Variants in PSAT1 observed in about 807,000 individuals in gnomAD.
PSAT1 encodes the protein phosphoserine aminotransferase.
Under a neutral mutation model 40.3 loss-of-function variants are expected in PSAT1, and 41 were observed. The observed-to-expected ratio is 1.02, with a 90% CI of 0.79 to 1.32. The LOEUF is 1.32. Ranked by LOEUF, PSAT1 falls within the 40% of genes most tolerant of loss-of-function variation. PSAT1 has a pLI of 0.00. For synonymous variants in PSAT1, 147 were observed against 170.5 expected, an observed-to-expected ratio of 0.86 and a Z score of 1.07; for missense variants, 406 against 455.8, an observed-to-expected ratio of 0.89 and a Z score of 0.99.
At chr9:78,298,171 G>A (rs879928448) in intron 1 of PSAT1, 7 of 67,940 alleles carry the variant, frequency 1.0e-4, no homozygotes, top group Non-Finnish European at 1.9e-4. Flanking sequence ...CCCCTCCCCC[G>A]CCAAACCCAC....
At chr9:78,301,531 C>T (rs1216699022) in intron 2 of PSAT1, among the ~76,000 whole-genome samples, 4 of 152,084 alleles carry the variant, frequency 2.6e-5, no homozygotes, top group Admixed American at 2.6e-4. Flanking sequence ...TTGCTTATTT[C>T]TGTTAAATTT....
intron 6 of PSAT1, among the ~76,000 whole-genome samples, chr9:78,315,702 G>A (rs1426803183): frequency 1.1e-4 from 16 of 152,176 alleles, no homozygotes; most frequent in Admixed American, 7.2e-4. Flanking sequence ...TGGGCAGCCC[G>A]GTGTTGGCTT....
chr9:78,302,491 G>A (rs1378649940), intron 3 of PSAT1, among the ~76,000 whole-genome samples: 1 of 152,168 alleles, frequency 6.6e-6, no homozygotes, highest in East Asian at 1.9e-4. Flanking sequence ...CACTTTGGGA[G>A]GCCGAGGCGG....
intron 7 of PSAT1, among the ~76,000 whole-genome samples, chr9:78,327,251 G>A (rs1291430652): frequency 6.6e-5 from 10 of 151,790 alleles, no homozygotes; most frequent in Middle Eastern, 6.8e-3. Context: ...GTGAGCCACC[G>A]CGCTTGGCCA....
intron 6 of PSAT1, among the ~76,000 whole-genome samples, chr9:78,311,828 TGAAAA>T (rs1392987147): frequency 4.4e-4 from 66 of 151,086 alleles, no homozygotes; most frequent in Non-Finnish European, 5.4e-4. Flanking sequence ...TGAGACTGTC[TGAAAA>T]CAAAAACAAA....
chr9:78,306,258 T>C (rs1484710767), intron 4 of PSAT1, 56 bp from the exon 5 acceptor site: 8 of 1,589,422 alleles, frequency 5.0e-6, no homozygotes, highest in Non-Finnish European at 6.9e-6. Flanking sequence ...CTCCCATCTA[T>C]GTAAGGAAAG....
intron 3 of PSAT1, 130 bp from the exon 4 acceptor site, chr9:78,304,605 T>C: frequency 2.3e-6 from 2 of 859,968 alleles, no homozygotes; most frequent in Non-Finnish European, 3.9e-6. Context: ...GAAGACAAAG[T>C]AGTATTGTAA....
intron 3 of PSAT1, among the ~76,000 whole-genome samples, chr9:78,302,733 C>CAAAAAAAAA (rs373285782): frequency 9.6e-6 from 1 of 104,246 alleles, no homozygotes; most frequent in African/African-American, 4.0e-5. Flanking sequence ...GACTCCGTCT[C>CAAAAAAAAA]AAAAAAAAAA....
At position 78,308,543 on chromosome 9, in the gene PSAT1, G is replaced by A; in HGVS notation, c.700G>A (p.Ala234Thr). The change falls in exon 6 of 9, where the codon GCT becomes ACT. Residue 234 changes from alanine to threonine, a missense_variant. Transcript: ENST00000376588. ...CPSVLEYKVQ[A>T]GNSSLYNTPP... ...CTCGGTCCTGGAATACAAGGTGCAG[G>A]CTGGAAACAGCTCCTTGTACAACAC... 1 of 1,614,052 alleles carries A rather than the reference G, an allele frequency of 6.2e-7. No homozygotes were observed. Among genetic ancestry groups the A allele is most frequent in the Non-Finnish European group, 8.5e-7 (1 of 1,180,008 alleles).
intron 7 of PSAT1, among the ~76,000 whole-genome samples, chr9:78,318,445 C>A (rs562294743): frequency 6.6e-6 from 1 of 152,226 alleles, no homozygotes; most frequent in Non-Finnish European, 1.5e-5. Context: ...TAACAAAGTA[C>A]TACAGACTTA....
chr9:78,309,984 A>G (rs887201989), intron 6 of PSAT1, among the ~76,000 whole-genome samples: 2 of 152,182 alleles, frequency 1.3e-5, no homozygotes, highest in African/African-American at 4.8e-5. Flanking sequence ...AAATCTGTGT[A>G]TATATATAAA....
intron 1 of PSAT1, among the ~76,000 whole-genome samples, chr9:78,299,196 T>C (rs1828071063): frequency 9.0e-6 from 1 of 111,572 alleles, no homozygotes; most frequent in African/African-American, 3.5e-5. Flanking sequence ...ACAAAAGCAA[T>C]GCATTCTTCA....
intron 6 of PSAT1, among the ~76,000 whole-genome samples, chr9:78,311,698 G>A (rs991069943): frequency 2.6e-5 from 4 of 152,072 alleles, no homozygotes; most frequent in Admixed American, 2.6e-4. Flanking sequence ...CAGGCATGGT[G>A]GCGGGTGCCT....
rs1404184598 is a variant in PSAT1 at position 78,308,488 on chromosome 9, C to T, written c.645C>T (p.Asp215=). ...TCACCGTGGTGATTGTCCGTGATGA[C>T]CTGCTGGGGTTTGCCCTCCGAGAGT... ...AGVTVVIVRD[D]LLGFALRECP... Residue 215 remains aspartate (D), a synonymous_variant, in exon 6 of 9, where the codon GAC becomes GAT. Transcript: ENST00000376588. 2 of 1,613,958 alleles carry T rather than the reference C, an allele frequency of 1.2e-6. No individual in the cohort carries two copies. Among genetic ancestry groups the T allele is most frequent in the Admixed American group, 1.7e-5 (1 of 60,010 alleles).
At position 78,328,822 on chromosome 9, in the gene PSAT1, G is replaced by A. The variant is rs536535124; in HGVS notation, c.1008-159G>A. ...GGGAGAATTTTCTGATGACTGAGAC[G>A]TGTGAAGCTCTGTGCCAGGTGTCGG... On this transcript the variant is annotated intron_variant, in intron 8 of 8. Transcript: ENST00000376588. 8.5e-5 allele frequency among the ~76,000 whole-genome samples: 13 copies of A among 152,296 alleles called. No individual in the cohort carries two copies. In the South Asian group the frequency reaches 1.5e-3, roughly 17 times the overall value.
At chr9:78,305,516 G>A (rs900731057) in intron 4 of PSAT1, among the ~76,000 whole-genome samples, 1 of 152,010 alleles carries the variant, frequency 6.6e-6, no homozygotes, top group Non-Finnish European at 1.5e-5. Flanking sequence ...GATATGGCTT[G>A]ATCAGGGGCC....
rs965895303 is a variant in PSAT1 at position 78,312,671 on chromosome 9, G to A, written c.740+4088G>A. Among the ~76,000 whole-genome samples the A allele has an allele frequency of 2.2e-4, 34 of 152,068 alleles. 1 individual carries two copies. The highest frequency in any genetic ancestry group is 1.5e-5 in the Non-Finnish European group (1 of 68,024). ...AGATTGTGCCATTGCACTCCAGCCTGGGCAATAAGAGCAAAACTCCATCTC... is the reference window on the plus strand; with the variant it reads ...AGATTGTGCCATTGCACTCCAGCCTAGGCAATAAGAGCAAAACTCCATCTC... On this transcript the variant is annotated intron_variant, in intron 6 of 8. Coordinates refer to ENST00000376588, the MANE Select transcript of PSAT1 (RefSeq NM_058179.4).
At chr9:78,303,680 A>G (rs1320291475) in intron 3 of PSAT1, among the ~76,000 whole-genome samples, 1 of 152,118 alleles carries the variant, frequency 6.6e-6, no homozygotes, top group Non-Finnish European at 1.5e-5. Context: ...GTTGCTTGCT[A>G]TCCTACTAAG....
intron 7 of PSAT1, 127 bp from the exon 8 acceptor site, chr9:78,327,917 ATTTTTTG>A (rs1005133283): frequency 1.6e-5 from 15 of 935,960 alleles, no homozygotes; most frequent in Non-Finnish European, 2.5e-5. Flanking sequence ...GCTGGGGCAG[ATTTTTTG>A]TTTTTTGTTT....
Sources: gnomAD v4.1 joint callset for allele counts (sites outside exome capture counted in the v4.1 genomes callset) on GRCh38, gnomAD v4.1.1 for gene constraint, MANE v1.5 for transcripts, NCBI Gene and HGNC (gene_info 2026-07-23, HGNC 2026-07-21) for gene names.